Variants in TOX2 observed in about 807,000 individuals in gnomAD.
The protein encoded by TOX2 is granulosa cell HMG box 1.
A neutral mutation model predicts 47.4 loss-of-function variants in TOX2; 15 were observed. The ratio of observed to expected loss-of-function variants is 0.32; its 90% confidence interval spans 0.21 to 0.49. The LOEUF is 0.49. Among genes scored for constraint, TOX2 ranks in the 20% least tolerant of loss-of-function variants. TOX2 has a pLI of 0.99. For synonymous variants in TOX2, 290 were observed against 296.6 expected (o/e 0.98, Z 0.23); for missense variants, 622 against 673.1 (o/e 0.92, Z 0.84).
chr20:43,931,069 G>A (rs1456709467), intron 1 of TOX2, among the ~76,000 whole-genome samples: 1 of 152,200 alleles, frequency 6.6e-6, no homozygotes, highest in African/African-American at 2.4e-5. Flanking sequence ...CCTTCAGAGC[G>A]ACTCTGACTG....
At chr20:43,928,997 A>AAAAAAAAAAAAAAAC (rs540054093) in intron 1 of TOX2, among the ~76,000 whole-genome samples, 1 of 149,558 alleles carries the variant, frequency 6.7e-6, no homozygotes, top group African/African-American at 2.5e-5. Flanking sequence ...AAAAAAAAAA[A>AAAAAAAAAAAAAAAC]AACAACAACA....
At chr20:44,062,119 A>G (rs1314464845) in intron 5 of TOX2, among the ~76,000 whole-genome samples, 1 of 152,012 alleles carries the variant, frequency 6.6e-6, no homozygotes, top group Non-Finnish European at 1.5e-5. Context: ...GGCCAGAGCA[A>G]TCAGACAAGA....
At chr20:43,986,421 A>G (rs1298826077) in intron 2 of TOX2, among the ~76,000 whole-genome samples, 1 of 152,080 alleles carries the variant, frequency 6.6e-6, no homozygotes, top group African/African-American at 2.4e-5. Flanking sequence ...AGCTGGGATT[A>G]CAGGCATGTG....
chr20:43,915,507 T>G lies in TOX2; in HGVS notation c.99+517T>G, dbSNP rs73908107. On this transcript the variant is annotated intron_variant, in intron 1 of 8. Coordinates refer to ENST00000341197, the MANE Select transcript of TOX2 (RefSeq NM_001098797.2). The surrounding 1 kb of genome is among the most constrained non-coding windows in gnomAD (Gnocchi z 7.1). Reference sequence around the variant, plus strand: ...CAAAGAAGTCGCCCGACAGTCACACTCTCGCAGCCACAACGCCTCACCCAG... The same window carrying G: ...CAAAGAAGTCGCCCGACAGTCACACGCTCGCAGCCACAACGCCTCACCCAG... Among the ~76,000 whole-genome samples the G allele has an allele frequency of 0.049, 7,365 of 151,726 alleles. 603 individuals carry two copies. Among genetic ancestry groups the G allele is most frequent in the African/African-American group, 0.17 (7,000 of 41,286 alleles).
At chr20:44,005,038 G>C (rs538529851) in intron 2 of TOX2, among the ~76,000 whole-genome samples, 3 of 152,112 alleles carry the variant, frequency 2.0e-5, no homozygotes, top group African/African-American at 7.2e-5. Context: ...TGCATTATTT[G>C]TATCAAAACA....
At chr20:43,961,807 T>C (rs1486082977) in intron 1 of TOX2, among the ~76,000 whole-genome samples, 1 of 151,948 alleles carries the variant, frequency 6.6e-6, no homozygotes, top group Non-Finnish European at 1.5e-5. Context: ...CGAGAGCACG[T>C]ACATTGGCAT....
intron 1 of TOX2, among the ~76,000 whole-genome samples, chr20:43,939,667 T>A (rs936185248): frequency 6.6e-6 from 1 of 152,100 alleles, no homozygotes; most frequent in Non-Finnish European, 1.5e-5. Flanking sequence ...CAGACATGAG[T>A]TTAAACTGAC....
intron 1 of TOX2, among the ~76,000 whole-genome samples, chr20:43,949,199 A>G (rs2069518130): frequency 1.3e-5 from 2 of 152,164 alleles, no homozygotes; most frequent in Admixed American, 6.5e-5. Context: ...CAAATGTGGG[A>G]TCATCTTTGA....
At chr20:43,973,485 T>C (rs536794709) in intron 2 of TOX2, 53 bp downstream of exon 2, 6 of 1,565,068 alleles carry the variant, frequency 3.8e-6, no homozygotes, top group Non-Finnish European at 5.3e-6. Context: ...GCTGGCTGGA[T>C]CTGAGCTGTT....
At chr20:43,958,244 A>G (rs1428091565) in intron 1 of TOX2, among the ~76,000 whole-genome samples, 1 of 152,126 alleles carries the variant, frequency 6.6e-6, no homozygotes, top group East Asian at 1.9e-4. Flanking sequence ...GCTTCACGGA[A>G]TGTTTCACTC....
intron 1 of TOX2, among the ~76,000 whole-genome samples, chr20:43,964,484 C>A (rs2069815112): frequency 6.6e-6 from 1 of 152,188 alleles, no homozygotes; most frequent in Non-Finnish European, 1.5e-5. Flanking sequence ...CAGGCGGGAG[C>A]AGTGTGTGCT....
At chr20:43,995,163 C>A (rs1262750554) in intron 2 of TOX2, among the ~76,000 whole-genome samples, 1 of 151,984 alleles carries the variant, frequency 6.6e-6, no homozygotes, top group Non-Finnish European at 1.5e-5. Context: ...ACAGGCCAAG[C>A]AAAAGGCATA....
intron 1 of TOX2, among the ~76,000 whole-genome samples, chr20:43,929,473 C>T (rs139629813): frequency 2.0e-5 from 3 of 151,692 alleles, no homozygotes; most frequent in African/African-American, 7.3e-5. Flanking sequence ...AGTCACCTGG[C>T]CTTCTTGCTA....
intron 2 of TOX2, among the ~76,000 whole-genome samples, chr20:43,977,785 G>A (rs143369940): frequency 2.0e-5 from 3 of 152,174 alleles, no homozygotes; most frequent in Admixed American, 1.3e-4. Flanking sequence ...CAGCTCCAGG[G>A]GGGTAGAGGA....
intron 2 of TOX2, among the ~76,000 whole-genome samples, chr20:43,975,120 A>T (rs2070053300): frequency 6.6e-6 from 1 of 152,144 alleles, no homozygotes. Flanking sequence ...TATTTTTGTT[A>T]ACATATTGAG....
intron 1 of TOX2, among the ~76,000 whole-genome samples, chr20:43,926,542 C>T (rs143680949): frequency 1.6e-4 from 24 of 152,264 alleles, no homozygotes; most frequent in African/African-American, 5.1e-4. Flanking sequence ...CCTCCAGGCA[C>T]TGTTTAGGTG....
At position 43,918,198 on chromosome 20, in the gene TOX2, A is replaced by T. The variant is rs529775842; in HGVS notation, c.99+3208A>T. Among the ~76,000 whole-genome samples the T allele has an allele frequency of 7.9e-5, 12 of 152,242 alleles. No homozygotes were observed. The South Asian group carries it at 8.3e-4, about 11-fold the overall frequency. ...TACCAGGCTGGGGGACAGCTGGGGG[A>T]TCCCTGCTCAACTATGGCAGACTAG... On this transcript the variant is annotated intron_variant, in intron 1 of 8. Coordinates refer to ENST00000341197, the MANE Select transcript of TOX2 (RefSeq NM_001098797.2).
intron 2 of TOX2, among the ~76,000 whole-genome samples, chr20:44,000,993 G>A (rs752317863): frequency 1.3e-5 from 2 of 152,162 alleles, no homozygotes; most frequent in Non-Finnish European, 2.9e-5. Flanking sequence ...AGTTTTGGTG[G>A]AAGTGGGATG....
intron 3 of TOX2, among the ~76,000 whole-genome samples, chr20:44,029,982 AC>A (rs755632469): frequency 1.3e-5 from 2 of 151,878 alleles, no homozygotes; most frequent in Non-Finnish European, 2.9e-5. Context: ...CCCTCAGGCC[AC>A]CCTTTTGCAC....
Sources: allele counts gnomAD v4.1 joint callset (sites outside exome capture counted in the v4.1 genomes callset), GRCh38; gene constraint gnomAD v4.1.1; non-coding constraint Gnocchi (gnomAD v3.1); transcripts MANE v1.5; gene names NCBI Gene and HGNC (gene_info 2026-07-23, HGNC 2026-07-21).